The following GPHN variants were observed in gnomAD, a reference collection of about 807,000 sequenced individuals.
GPHN encodes the protein gephyrin.
A neutral mutation model predicts 95.5 loss-of-function variants in GPHN; 17 were observed. The ratio of observed to expected loss-of-function variants is 0.18; its 90% confidence interval spans 0.12 to 0.27. GPHN has a LOEUF of 0.27. Ranked by LOEUF, GPHN falls within the 10% of genes least tolerant of loss-of-function variation. GPHN has a pLI of 1.00. For missense variants in GPHN, 660 were observed against 978.1 expected (o/e 0.67, Z 4.34); for synonymous variants, 320 against 322.5 (o/e 0.99, Z 0.08).
intron 12 of GPHN, among the ~76,000 whole-genome samples, chr14:67,090,150 T>G (rs1336488781): frequency 2.6e-5 from 4 of 152,110 alleles, no homozygotes; most frequent in African/African-American, 7.2e-5. Context: ...TTTAAAAAGT[T>G]TTTCAGTTTA....
At chr14:67,177,640 T>C (rs1271760033) in intron 21 of GPHN, among the ~76,000 whole-genome samples, 6 of 152,182 alleles carry the variant, frequency 3.9e-5, no homozygotes, top group Non-Finnish European at 7.3e-5. Flanking sequence ...CCTTGTTACT[T>C]TTCTGTCTTG....
chr14:66,593,282 C>G (rs1186652375), intron 1 of GPHN, among the ~76,000 whole-genome samples: 1 of 151,512 alleles, frequency 6.6e-6, no homozygotes, highest in Non-Finnish European at 1.5e-5. Flanking sequence ...GCACATGTAT[C>G]CCAGAACTTA....
the GPHN span, among the ~76,000 whole-genome samples, chr14:67,413,151 T>C: frequency 6.6e-6 from 1 of 152,220 alleles, no homozygotes; most frequent in South Asian, 2.1e-4. Flanking sequence ...TTTAAATAGA[T>C]AGGATCAACA....
chr14:66,706,686 G>T lies in GPHN; in HGVS notation c.143+25501G>T, dbSNP rs945503477. Among the ~76,000 whole-genome samples the T allele has an allele frequency of 5.9e-5, 9 of 152,204 alleles. 1 individual carries two copies. In the East Asian group the frequency reaches 1.7e-3, roughly 29 times the overall value. ...CTCAAGATGTGTTAAAGACTTAAAT[G>T]TAAAACCCAAAACTATAAAAACCCT... On this transcript the variant is annotated intron_variant, in intron 2 of 22. Coordinates refer to ENST00000478722, the MANE Select transcript of GPHN (RefSeq NM_020806.5).
chr14:66,571,876 A>AG (rs1316862213), intron 1 of GPHN, among the ~76,000 whole-genome samples: 1 of 152,132 alleles, frequency 6.6e-6, no homozygotes, highest in African/African-American at 2.4e-5. Context: ...CTTTTCCCCT[A>AG]GGATTTCTGC....
At chr14:67,529,742 C>A in the GPHN span, among the ~76,000 whole-genome samples, 1 of 152,180 alleles carries the variant, frequency 6.6e-6, no homozygotes, top group African/African-American at 2.4e-5. Flanking sequence ...CTGACAATCA[C>A]CGAAGAGCCA....
the GPHN span, among the ~76,000 whole-genome samples, chr14:67,709,008 G>A: frequency 6.6e-6 from 1 of 152,136 alleles, no homozygotes; most frequent in African/African-American, 2.4e-5. Context: ...GGCCAGGATG[G>A]TCTCGATCTT....
the GPHN span, chr14:67,582,168 CAACAAGGAATT>C: frequency 6.2e-7 from 1 of 1,613,456 alleles, no homozygotes; most frequent in South Asian, 1.1e-5. This position sits in a 1 kb window ranked among gnomAD's most constrained non-coding sequence, Gnocchi z 5.0. Context: ...GGTTTCCTAT[CAACAAGGAATT>C]GGCTCTTGAG....
intron 1 of GPHN, among the ~76,000 whole-genome samples, chr14:66,609,045 G>A (rs2062668450): frequency 6.6e-6 from 1 of 152,090 alleles, no homozygotes; most frequent in Non-Finnish European, 1.5e-5. Context: ...TGGTTGTTTT[G>A]TAGAGTTGTT....
chr14:67,007,686 A>G (rs980170676), intron 9 of GPHN, among the ~76,000 whole-genome samples: 1 of 152,200 alleles, frequency 6.6e-6, no homozygotes, highest in South Asian at 2.1e-4. Flanking sequence ...CCTTCGGTCA[A>G]CCTATGTCAC....
chr14:67,152,405 A>G (rs1595398965), intron 18 of GPHN, among the ~76,000 whole-genome samples: 1 of 152,196 alleles, frequency 6.6e-6, no homozygotes, highest in South Asian at 2.1e-4. Flanking sequence ...TTGCCTATGT[A>G]AAAAAATTAT....
At chr14:66,688,136 A>G (rs1308144247) in intron 2 of GPHN, among the ~76,000 whole-genome samples, 1 of 152,232 alleles carries the variant, frequency 6.6e-6, no homozygotes, top group Admixed American at 6.5e-5. Context: ...TAGAGAAAAG[A>G]AAGTATTATT....
chr14:67,161,343 C>T (rs141701492), intron 19 of GPHN, among the ~76,000 whole-genome samples: 228 of 150,422 alleles, frequency 1.5e-3, no homozygotes, highest in African/African-American at 5.3e-3. Context: ...TTTTGTCTTA[C>T]GCAAATATTG....
chr14:67,439,592 TC>T, the GPHN span, among the ~76,000 whole-genome samples: 35 of 130,298 alleles, frequency 2.7e-4, 1 homozygote, highest in East Asian at 3.5e-3. Context: ...TTTCTTTCTT[TC>T]TTCTTTCTTT....
intron 3 of GPHN, among the ~76,000 whole-genome samples, chr14:66,785,945 A>T (rs1370843739): frequency 6.6e-6 from 1 of 152,146 alleles, no homozygotes; most frequent in East Asian, 1.9e-4. Context: ...ACATTAAGAG[A>T]AGAGGAAAGT....
At chr14:67,196,223 C>CTTTCTTTTTTTT in the GPHN span, among the ~76,000 whole-genome samples, 1 of 143,118 alleles carries the variant, frequency 7.0e-6, no homozygotes, top group African/African-American at 2.6e-5. Flanking sequence ...TTCTTTCTTT[C>CTTTCTTTTTTTT]TTTTTTTTTT....
chr14:67,526,219 G>A, the GPHN span, among the ~76,000 whole-genome samples: 3 of 152,244 alleles, frequency 2.0e-5, no homozygotes, highest in African/African-American at 7.2e-5. Flanking sequence ...CATAAGCAAA[G>A]CTCCTAATAC....
intron 2 of GPHN, among the ~76,000 whole-genome samples, chr14:66,768,002 A>G (rs982480183): frequency 7.2e-5 from 11 of 152,154 alleles, no homozygotes; most frequent in African/African-American, 2.6e-4. Context: ...TAGTACACAA[A>G]TGAAAATTAT....
chr14:66,583,038 C>CA (rs1386351675), intron 1 of GPHN, among the ~76,000 whole-genome samples: 4 of 152,020 alleles, frequency 2.6e-5, no homozygotes, highest in African/African-American at 9.7e-5. Flanking sequence ...ACATCCTCTC[C>CA]AGCACCTGTT....
Sources: allele counts gnomAD v4.1 joint callset (sites outside exome capture counted in the v4.1 genomes callset), GRCh38; gene constraint gnomAD v4.1.1; non-coding constraint Gnocchi (gnomAD v3.1); transcripts MANE v1.5; gene names NCBI Gene and HGNC (gene_info 2026-07-23, HGNC 2026-07-21).